ADGRL3: variants seen among roughly 807,000 people sequenced by gnomAD.
ADGRL3 encodes the protein adhesion G protein-coupled receptor L3.
Under a neutral mutation model 153.5 loss-of-function variants are expected in ADGRL3, and 62 were observed. The ratio of observed to expected loss-of-function variants is 0.40; its 90% CI spans 0.33 to 0.50. The LOEUF is 0.50. Among genes scored for constraint, ADGRL3 ranks in the 20% least tolerant of loss-of-function variants. The pLI, the probability that ADGRL3 is intolerant of heterozygous loss-of-function variation, is 0.47. For synonymous variants in ADGRL3, 710 were observed against 672.5 expected (o/e 1.06, Z -0.86); for missense variants, 1,641 against 1,859.4 (o/e 0.88, Z 2.16).
intron 8 of ADGRL3, among the ~76,000 whole-genome samples, chr4:61,748,309 A>G (rs1012573895): frequency 8.5e-5 from 13 of 152,206 alleles, no homozygotes; most frequent in Admixed American, 8.5e-4. Context: ...ATTCAATGCT[A>G]TCCCCATCAA....
chr4:61,240,395 A>G (rs907218614), intron 1 of ADGRL3, among the ~76,000 whole-genome samples: 4 of 152,086 alleles, frequency 2.6e-5, no homozygotes, highest in Non-Finnish European at 4.4e-5. Flanking sequence ...AACCCATACC[A>G]TAGCAGGAGT....
At chr4:61,223,680 A>G (rs1353438643) in intron 1 of ADGRL3, among the ~76,000 whole-genome samples, 1 of 152,096 alleles carries the variant, frequency 6.6e-6, no homozygotes, top group Admixed American at 6.6e-5. Context: ...AGTGTTTGTG[A>G]CTCAGTGATT....
intron 5 of ADGRL3, among the ~76,000 whole-genome samples, chr4:61,676,463 C>T (rs1400140651): frequency 2.7e-5 from 4 of 148,396 alleles, no homozygotes; most frequent in Non-Finnish European, 4.5e-5. Flanking sequence ...TTCTAAAATA[C>T]TTTTTTTTTT....
intron 1 of ADGRL3, among the ~76,000 whole-genome samples, chr4:61,238,781 G>A (rs941414690): frequency 3.6e-4 from 55 of 152,030 alleles, no homozygotes; most frequent in South Asian, 6.2e-4. Context: ...CATAAAGCAC[G>A]TGGTGTCCAT....
intron 3 of ADGRL3, among the ~76,000 whole-genome samples, chr4:61,509,011 C>T (rs2098447594): frequency 6.6e-6 from 1 of 152,066 alleles, no homozygotes; most frequent in Non-Finnish European, 1.5e-5. Flanking sequence ...TGGAGGAAAC[C>T]ACCCCCATGA....
intron 25 of ADGRL3, among the ~76,000 whole-genome samples, chr4:62,065,568 C>G (rs1373283897): frequency 6.6e-6 from 1 of 151,946 alleles, no homozygotes; most frequent in Non-Finnish European, 1.5e-5. Context: ...TTCACCCTAT[C>G]TGGAAATTAA....
chr4:61,366,913 A>G (rs2096408326), intron 1 of ADGRL3, among the ~76,000 whole-genome samples: 1 of 152,190 alleles, frequency 6.6e-6, no homozygotes, highest in Non-Finnish European at 1.5e-5. Flanking sequence ...TAGGAACAAT[A>G]TTTAACTCAG....
intron 4 of ADGRL3, among the ~76,000 whole-genome samples, chr4:61,575,117 C>A (rs988925623): frequency 6.6e-6 from 1 of 151,752 alleles, no homozygotes; most frequent in African/African-American, 2.4e-5. Flanking sequence ...CAGTTTATCC[C>A]CTCATTTACT....
At chr4:61,531,572 C>T (rs1277525793) in intron 4 of ADGRL3, among the ~76,000 whole-genome samples, 1 of 152,096 alleles carries the variant, frequency 6.6e-6, no homozygotes, top group Non-Finnish European at 1.5e-5. Flanking sequence ...TTACTATGCA[C>T]CTACTGTGTG....
chr4:61,749,313 G>T (rs1284709218), intron 8 of ADGRL3, among the ~76,000 whole-genome samples: 1 of 151,874 alleles, frequency 6.6e-6, no homozygotes, highest in East Asian at 1.9e-4. Context: ...GATTCCTCAG[G>T]GATCTAGAAC....
intron 1 of ADGRL3, among the ~76,000 whole-genome samples, chr4:61,326,663 G>C (rs187600184): frequency 1.3e-5 from 2 of 149,472 alleles, no homozygotes; most frequent in Non-Finnish European, 3.0e-5. Flanking sequence ...ATTTAAGAAT[G>C]GTGAATGGGT....
chr4:61,496,564 C>A (rs2098319264), intron 2 of ADGRL3, among the ~76,000 whole-genome samples: 1 of 152,048 alleles, frequency 6.6e-6, no homozygotes, highest in South Asian at 2.1e-4. Context: ...ATCGCGTGAA[C>A]CCGGGAGGCA....
chr4:61,258,685 T>A (rs1270291142), intron 1 of ADGRL3, among the ~76,000 whole-genome samples: 1 of 152,180 alleles, frequency 6.6e-6, no homozygotes, highest in Non-Finnish European at 1.5e-5. Context: ...ACTTCTAAGG[T>A]GTTGTCTAAC....
At chr4:62,051,876 TG>T (rs1734400396) in intron 25 of ADGRL3, among the ~76,000 whole-genome samples, 2 of 151,716 alleles carry the variant, frequency 1.3e-5, no homozygotes, top group South Asian at 4.1e-4. Context: ...ATTTGTTTCA[TG>T]TAAGTTGTTG....
intron 5 of ADGRL3, among the ~76,000 whole-genome samples, chr4:61,620,830 G>A (rs1394072040): frequency 2.0e-5 from 3 of 151,402 alleles, no homozygotes; most frequent in South Asian, 2.1e-4. Context: ...TAGTAGAGAC[G>A]GGCTTCCACC....
intron 5 of ADGRL3, among the ~76,000 whole-genome samples, chr4:61,657,060 C>G (rs1057139047): frequency 2.0e-5 from 3 of 152,096 alleles, no homozygotes; most frequent in African/African-American, 7.2e-5. Flanking sequence ...GTTTATTTAT[C>G]AAATGGATTA....
rs200392630 is a variant in ADGRL3, at chr4:61,472,475, TG to T, written c.-173-24645del. Among the ~76,000 whole-genome samples the T allele has an allele frequency of 3.4e-4, 52 of 152,180 alleles. No individual in the cohort carries two copies. In the East Asian group the frequency reaches 7.6e-3, roughly 22 times the overall value. ...CAGGCCTCTTTATAGGGATACATCA[TG>T]ACATGGCAGCTGGCCTCTCCCAGAG... is the stretch of plus-strand genomic sequence containing the variant. On this transcript the variant is annotated intron_variant, in intron 2 of 26. Transcript: ENST00000683033.
intron 8 of ADGRL3, among the ~76,000 whole-genome samples, chr4:61,808,259 A>C (rs2097572248): frequency 6.6e-6 from 1 of 152,202 alleles, no homozygotes; most frequent in African/African-American, 2.4e-5. Flanking sequence ...TGGTATCCTT[A>C]ATACCGACCA....
chr4:61,305,801 C>T (rs1560452746), intron 1 of ADGRL3, among the ~76,000 whole-genome samples: 2 of 152,008 alleles, frequency 1.3e-5, no homozygotes, highest in African/African-American at 4.8e-5. Flanking sequence ...GCCAGGAAAC[C>T]GTAGATATAA....
Sources: gnomAD v4.1 joint callset for allele counts (sites outside exome capture counted in the v4.1 genomes callset) on GRCh38, gnomAD v4.1.1 for gene constraint, MANE v1.5 for transcripts, NCBI Gene and HGNC (gene_info 2026-07-23, HGNC 2026-07-21) for gene names.